MED13L: variants seen among roughly 807,000 people sequenced by gnomAD.
MED13L encodes mediator complex subunit 13L.
In MED13L, 7 loss-of-function variants were observed where a neutral mutation model predicts 220.9. The ratio of observed to expected loss-of-function variants is 0.03; its 90% confidence interval spans 0.02 to 0.06. The LOEUF is 0.06. Among genes scored for constraint, MED13L ranks in the 10% least tolerant of loss-of-function variants. The probability of loss-of-function intolerance (pLI) is 1.00; values close to 1 mark genes in which losing one functional copy is unlikely to be tolerated. For missense variants in MED13L, 1,965 were observed against 2,760.5 expected, an observed-to-expected ratio of 0.71 and a Z score of 6.46; for synonymous variants, 1,011 against 1,015.2, an observed-to-expected ratio of 1.00 and a Z score of 0.08.
intron 2 of MED13L, among the ~76,000 whole-genome samples, chr12:116,206,539 A>T (rs1446494806): frequency 6.6e-6 from 1 of 152,230 alleles, no homozygotes; most frequent in Non-Finnish European, 1.5e-5. Context: ...AAGGATAAAG[A>T]AAAGTTATAG....
intron 23 of MED13L, among the ~76,000 whole-genome samples, chr12:115,976,777 A>G (rs1876969335): frequency 6.6e-6 from 1 of 152,240 alleles, no homozygotes; most frequent in African/African-American, 2.4e-5. Context: ...TTAATAAACT[A>G]CAACAGGGGT....
intron 4 of MED13L, among the ~76,000 whole-genome samples, chr12:116,031,776 G>A (rs1373686015): frequency 7.0e-6 from 1 of 143,752 alleles, no homozygotes; most frequent in Non-Finnish European, 1.5e-5. Context: ...AGGAAGGAAG[G>A]AAGGAAGGAA....
At chr12:116,223,989 T>C (rs138565016) in intron 2 of MED13L, among the ~76,000 whole-genome samples, 88 of 152,292 alleles carry the variant, frequency 5.8e-4, no homozygotes, top group African/African-American at 2.1e-3. Context: ...TCAACAAATA[T>C]GTACCAGGAA....
chr12:116,094,244 T>A (rs578224407), intron 4 of MED13L, among the ~76,000 whole-genome samples: 6 of 152,378 alleles, frequency 3.9e-5, no homozygotes, highest in South Asian at 2.1e-4. Flanking sequence ...CGCCAATTTT[T>A]AAATTCATCT....
chr12:116,239,822 A>G (rs2138469775), intron 1 of MED13L, among the ~76,000 whole-genome samples: 1 of 152,364 alleles, frequency 6.6e-6, no homozygotes, highest in South Asian at 2.1e-4. Context: ...CCAATTGAAT[A>G]GAACGGTATG....
rs752752525 is a variant in MED13L at position 115,983,409 on chromosome 12, C to G, written c.4663G>C (p.Ala1555Pro). 6.2e-7 allele frequency: 1 copy of G among 1,614,192 alleles called. No homozygotes were observed. ...AGPLAPNGSA[A>P]PPAGSAFNPT... ...TTAAATGCACTGCCAGCTGGGGGAGCTGCTGATCCATTTGGAGCTAAGGGC... is the reference window on the plus strand; with the variant it reads ...TTAAATGCACTGCCAGCTGGGGGAGGTGCTGATCCATTTGGAGCTAAGGGC... The change falls in exon 21 of 31, where the codon GCT becomes CCT. Residue 1555 changes from alanine (A) to proline (P), a missense_variant. Ala to Pro is a conservative substitution (Grantham distance 27). Around this residue, in one of 10 missense-constraint regions of MED13L, gnomAD observed 510 missense variants for 620.4 expected, o/e 0.82. Coordinates refer to ENST00000281928, the MANE Select transcript of MED13L (RefSeq NM_015335.5).
In MED13L at chr12:116,276,476, AG is replaced by A. The variant is rs550522814; in HGVS notation, c.72+583del. 2.2e-4 allele frequency: 279 copies of A among 1,288,636 alleles called. 4 individuals carry two copies. The Middle Eastern group carries it at 4.3e-3, about 20-fold the overall frequency. The allele number at this position is 1,288,636 out of a possible 1,614,324, so 79.8% of individuals were successfully genotyped here. A position where few individuals can be genotyped will look rare whatever the true frequency, so the allele number is the denominator to read the frequency against. On this transcript the variant is annotated intron_variant, in intron 1 of 30. Transcript: ENST00000281928. The stretch of plus-strand genomic sequence containing the variant: ...GGCTTTACGGCTCTCCAGCATAGTA[AG>A]CCCCGAGAGGCAGGCGGCTGTCGAT...
chr12:115,985,616 G>GCC (rs1877633804), intron 19 of MED13L, among the ~76,000 whole-genome samples: 2 of 152,162 alleles, frequency 1.3e-5, no homozygotes, highest in Non-Finnish European at 2.9e-5. Flanking sequence ...TTTGGCATAA[G>GCC]AAATGTGGCA....
chr12:116,195,359 A>G (rs1423964718), intron 2 of MED13L, among the ~76,000 whole-genome samples: 1 of 152,232 alleles, frequency 6.6e-6, no homozygotes, highest in East Asian at 1.9e-4. Flanking sequence ...TCAAAGCTGT[A>G]CCATGACATA....
Position 115,991,745 on chromosome 12 carries a change from C to T in MED13L, c.3209G>A (p.Gly1070Glu). The change falls in exon 17 of 31, where the codon GGG becomes GAG. Residue 1070 changes from glycine to glutamate, a missense_variant. Gly to Glu is a moderately conservative substitution (Grantham distance 98, BLOSUM62 -2). Coordinates refer to ENST00000281928, the MANE Select transcript of MED13L (RefSeq NM_015335.5). The surrounding 1 kb of genome is among the most constrained non-coding windows in gnomAD (Gnocchi z 7.7). ...ATCGGTGCTATCATACTTAACAGAC[C>T]CTTGACCACTGGCAGTGCCCCCACC... ...PRGGGTASGQ[G>E]SVKYDSTDQG... 1 of 1,613,820 alleles carries T rather than the reference C, an allele frequency of 6.2e-7. No homozygotes were observed. The highest frequency in any genetic ancestry group is 8.5e-7 in the Non-Finnish European group (1 of 1,179,938).
intron 1 of MED13L, among the ~76,000 whole-genome samples, chr12:116,251,134 T>TA (rs888555177): frequency 0.01 from 1,380 of 135,950 alleles, 9 homozygotes; most frequent in Admixed American, 0.016. Flanking sequence ...AAAGTAGGTT[T>TA]AAAAAAAAAA....
intron 1 of MED13L, among the ~76,000 whole-genome samples, chr12:116,271,047 A>AG: frequency 6.7e-6 from 1 of 148,870 alleles, no homozygotes; most frequent in East Asian, 2.0e-4. Context: ...TCTCAAAAAA[A>AG]AAAAAAAAAA....
At chr12:116,225,765 T>C (rs1202370911) in intron 2 of MED13L, among the ~76,000 whole-genome samples, 2 of 152,222 alleles carry the variant, frequency 1.3e-5, no homozygotes, top group African/African-American at 4.8e-5. Context: ...AGACCTCATG[T>C]TGAATAGGTT....
chr12:115,963,374 T>C (rs568049689), intron 30 of MED13L, 33 bp downstream of exon 30: 13 of 1,468,718 alleles, frequency 8.9e-6, no homozygotes, highest in African/African-American at 1.4e-5. Context: ...TTGTTTCAAA[T>C]TGCACTGCTA....
chr12:116,159,061 C>CA (rs1878664598), intron 2 of MED13L, among the ~76,000 whole-genome samples: 1 of 152,056 alleles, frequency 6.6e-6, no homozygotes, highest in Admixed American at 6.5e-5. Context: ...CTTCAACAAA[C>CA]AAAAAATCAC....
At chr12:116,020,148 A>C (rs184711025) in intron 5 of MED13L, among the ~76,000 whole-genome samples, 176 bp from the exon 6 acceptor site, 83 of 152,328 alleles carry the variant, frequency 5.4e-4, no homozygotes, top group African/African-American at 1.9e-3. Flanking sequence ...TTATTTTTGT[A>C]GAGACTGGGT....
At chr12:116,234,616 T>C (rs1869897560) in intron 2 of MED13L, among the ~76,000 whole-genome samples, 1 of 152,128 alleles carries the variant, frequency 6.6e-6, no homozygotes, top group African/African-American at 2.4e-5. Context: ...AATGGTAATC[T>C]CATGCTTAAC....
At chr12:116,177,257 C>T (rs1880142194) in intron 2 of MED13L, among the ~76,000 whole-genome samples, 1 of 152,102 alleles carries the variant, frequency 6.6e-6, no homozygotes, top group African/African-American at 2.4e-5. Context: ...TATACATGAT[C>T]CTGACTTCTA....
chr12:115,959,316 G>GA lies in MED13L; in HGVS notation c.*1949_*1950insT, dbSNP rs1565979100. The stretch of plus-strand genomic sequence containing the variant: ...TTTGTAGGGGTTTTTTATTTTTTGT[G>GA]TTTTTTTTCTTTTTCTGCTTAGAAT... On this transcript the variant is annotated 3_prime_UTR_variant, in exon 31 of 31. Coordinates refer to ENST00000281928, the MANE Select transcript of MED13L (RefSeq NM_015335.5). The GA allele has an allele frequency of 3.3e-5, 5 of 149,574 alleles. No homozygotes were observed. 9.3% of individuals were successfully genotyped at this position (149,574 alleles called of 1,614,324 possible). A position where few individuals can be genotyped will look rare whatever the true frequency, so the allele number is the denominator to read the frequency against.
Sources: gnomAD v4.1 joint callset for allele counts (sites outside exome capture counted in the v4.1 genomes callset) on GRCh38, gnomAD v4.1.1 for gene constraint, gnomAD v4.1.1 regional missense constraint, Gnocchi (gnomAD v3.1) non-coding constraint, MANE v1.5 for transcripts, NCBI Gene and HGNC (gene_info 2026-07-23, HGNC 2026-07-21) for gene names.